ZNF274: variants seen among roughly 807,000 people sequenced by gnomAD.
ZNF274 encodes neurotrophin receptor-interacting factor homolog.
Under a neutral mutation model 42.5 loss-of-function variants are expected in ZNF274, and 23 were observed. The ratio of observed to expected loss-of-function variants is 0.54; its 90% CI spans 0.39 to 0.77. ZNF274 has a LOEUF of 0.77. Ranked by LOEUF, ZNF274 falls within the 30% of genes least tolerant of loss-of-function variation. The pLI is 0.00. For synonymous variants in ZNF274, 292 were observed against 305.4 expected (o/e 0.96, Z 0.46); for missense variants, 679 against 806.5 (o/e 0.84, Z 1.91).
chr19:58,212,089 G>T lies in ZNF274; in HGVS notation c.980-72G>T, dbSNP rs929925983. On this transcript the variant is annotated intron_variant, in intron 7 of 7. Transcript: ENST00000617501. The surrounding 1 kb of genome is among the most constrained non-coding windows in gnomAD (Gnocchi z 4.6). ...AATCCTGACTTTTGAACTTAATTAT[G>T]CATTTCATGCTCTCAGACCCATCCC... 4.7e-6 allele frequency: 7 copies of T among 1,485,032 alleles called. No homozygotes were observed. Among genetic ancestry groups the T allele is most frequent in the Non-Finnish European group, 6.3e-6 (7 of 1,118,118 alleles). 92.0% of individuals were successfully genotyped at this position (1,485,032 alleles called of 1,614,324 possible). A position where few individuals can be genotyped will look rare whatever the true frequency, so the allele number is the denominator to read the frequency against.
intron 4 of ZNF274, among the ~76,000 whole-genome samples, chr19:58,194,809 C>T (rs1415244975): frequency 6.6e-6 from 1 of 152,028 alleles, no homozygotes; most frequent in South Asian, 2.1e-4. Flanking sequence ...TCGAGACCAT[C>T]CTGGCTAACA....
Position 58,212,412 on chromosome 19 carries a change from G to T in ZNF274, c.1231G>T (p.Ala411Ser), listed in dbSNP as rs754552870. 3.7e-6 allele frequency: 6 copies of T among 1,613,010 alleles called. No homozygotes were observed. In the Admixed American group the frequency reaches 1.0e-4, roughly 27 times the overall value. ...CCGTGAGTCCCAGGCAAACAGTGGT[G>T]CTCTTGACACAAACCAAGTTTCGCT... Reference protein sequence around the residue: ...DNRESQANSGALDTNQVSLQK... With the variant: ...DNRESQANSGSLDTNQVSLQK... Residue 411 changes from alanine (A) to serine (S), a missense_variant, in exon 8 of 8, where the codon GCT (alanine) becomes TCT (serine). Physicochemically the swap from Ala to Ser is moderately conservative, Grantham distance 99. Around this residue, in one of 2 missense-constraint regions of ZNF274, gnomAD observed 456 missense variants for 590.1 expected, o/e 0.77. Transcript: ENST00000617501. This position sits in a 1 kb window ranked among gnomAD's most constrained non-coding sequence, Gnocchi z 4.6.
intron 4 of ZNF274, among the ~76,000 whole-genome samples, chr19:58,191,387 T>A (rs2075777417): frequency 6.6e-6 from 1 of 152,212 alleles, no homozygotes; most frequent in Admixed American, 6.5e-5. Context: ...TCTGCCCACC[T>A]CGGCCTCCCA....
At chr19:58,183,702 C>T in intron 1 of ZNF274, 2 of 439,736 alleles carry the variant, frequency 4.5e-6, no homozygotes, top group Non-Finnish European at 4.1e-6. Flanking sequence ...AGGCGATCCC[C>T]TCCGATGCGC....
chr19:58,204,345 C>A (rs1274649515), intron 4 of ZNF274, among the ~76,000 whole-genome samples: 1 of 151,490 alleles, frequency 6.6e-6, no homozygotes, highest in Non-Finnish European at 1.5e-5. Context: ...TTTCCGGGTC[C>A]AGGGGGGGCA....
At chr19:58,200,045 G>C (rs2075892025) in intron 4 of ZNF274, among the ~76,000 whole-genome samples, 1 of 152,218 alleles carries the variant, frequency 6.6e-6, no homozygotes, top group African/African-American at 2.4e-5. Context: ...TGGCTGAGAA[G>C]AAGCAAGTGG....
chr19:58,203,024 G>GTA (rs2075932738), intron 4 of ZNF274, among the ~76,000 whole-genome samples: 1 of 152,148 alleles, frequency 6.6e-6, no homozygotes, highest in Non-Finnish European at 1.5e-5. Flanking sequence ...TGTTTTCCTA[G>GTA]GGGCCAAGGC....
chr19:58,193,445 CTTTTTTTTT>C (rs71188098), intron 4 of ZNF274, among the ~76,000 whole-genome samples: 1 of 47,812 alleles, frequency 2.1e-5, no homozygotes, highest in South Asian at 7.9e-4. Context: ...CGCGCCTGGC[CTTTTTTTTT>C]TTTTTTTTTT....
At chr19:58,205,136 C>G (rs941726909) in intron 4 of ZNF274, among the ~76,000 whole-genome samples, 11 of 152,104 alleles carry the variant, frequency 7.2e-5, no homozygotes, top group Non-Finnish European at 8.8e-5. Flanking sequence ...CGAATAGCTC[C>G]AGTAGATTCA....
intron 2 of ZNF274, chr19:58,184,214 G>T: frequency 1.8e-6 from 1 of 570,774 alleles, no homozygotes; most frequent in Non-Finnish European, 3.1e-6. Flanking sequence ...CAGATTGTAG[G>T]GGCTTCTGAA....
intron 4 of ZNF274, among the ~76,000 whole-genome samples, chr19:58,201,567 A>G (rs1417639614): frequency 6.8e-6 from 1 of 147,422 alleles, no homozygotes; most frequent in Non-Finnish European, 1.5e-5. Context: ...CCCAGGCTGG[A>G]GTGCAGTGGT....
At chr19:58,184,751 G>A (rs951265472) in intron 2 of ZNF274, 1 of 152,198 alleles carries the variant, frequency 6.6e-6, no homozygotes, top group Admixed American at 6.6e-5. Context: ...GACGGCTTGG[G>A]TGTGATGGTG....
At chr19:58,197,912 G>A (rs1384625211) in intron 4 of ZNF274, among the ~76,000 whole-genome samples, 4 of 152,144 alleles carry the variant, frequency 2.6e-5, no homozygotes, top group African/African-American at 4.8e-5. Flanking sequence ...TGATCTCTAA[G>A]ACCTGTGTAA....
intron 4 of ZNF274, among the ~76,000 whole-genome samples, chr19:58,196,547 G>A (rs889492967): frequency 1.3e-5 from 2 of 152,174 alleles, no homozygotes; most frequent in African/African-American, 4.8e-5. Context: ...ACAAAGTTAA[G>A]TAGGAAATGA....
chr19:58,201,985 G>T (rs933309476), intron 4 of ZNF274, among the ~76,000 whole-genome samples: 1 of 152,152 alleles, frequency 6.6e-6, no homozygotes, highest in African/African-American at 2.4e-5. Flanking sequence ...GGCAGCCTCA[G>T]TGGTACACTG....
chr19:58,211,765 T>G lies in ZNF274; in HGVS notation c.979+79T>G. On this transcript the variant is annotated intron_variant, in intron 7 of 7. Transcript: ENST00000617501. The surrounding 1 kb of genome is among the most constrained non-coding windows in gnomAD (Gnocchi z 4.8). ...CCAAGTCAGGGGTGTTCACCTTCTC[T>G]AGACTCCACACTGGGCATTCCCTCA... 1.3e-5 allele frequency: 20 copies of G among 1,524,920 alleles called. No individual in the cohort carries two copies. Among genetic ancestry groups the G allele is most frequent in the Non-Finnish European group, 1.8e-5 (20 of 1,132,442 alleles). The allele number at this position is 1,524,920 out of a possible 1,614,324, so 94.5% of individuals were successfully genotyped here.
intron 4 of ZNF274, among the ~76,000 whole-genome samples, chr19:58,190,084 C>T (rs1273779933): frequency 2.0e-5 from 3 of 149,796 alleles, no homozygotes; most frequent in African/African-American, 4.9e-5. Context: ...GACTGCGCCA[C>T]TGCACTCCAG....
chr19:58,201,307 C>T (rs1050207231), intron 4 of ZNF274, among the ~76,000 whole-genome samples: 5 of 149,350 alleles, frequency 3.3e-5, no homozygotes, highest in Non-Finnish European at 7.4e-5. Context: ...CCATTCTGCC[C>T]GGCCACACTT....
chr19:58,186,137 G>T, intron 3 of ZNF274: 4 of 161,568 alleles, frequency 2.5e-5, no homozygotes, highest in Non-Finnish European at 3.9e-5. Context: ...GAGCCCAGGA[G>T]TTTGAGACCA....
Sources: allele counts gnomAD v4.1 joint callset (sites outside exome capture counted in the v4.1 genomes callset), GRCh38; gene constraint gnomAD v4.1.1; regional missense constraint gnomAD v4.1.1; non-coding constraint Gnocchi (gnomAD v3.1); transcripts MANE v1.5; gene names NCBI Gene and HGNC (gene_info 2026-07-23, HGNC 2026-07-21).